The following ADAM28 variants were observed in gnomAD, a reference collection of about 807,000 sequenced individuals.
ADAM28 encodes the protein disintegrin and metalloproteinase domain-containing protein 28.
Under a neutral mutation model 101.2 loss-of-function variants are expected in ADAM28, and 105 were observed. The ratio of observed to expected loss-of-function variants is 1.04; its 90% CI spans 0.89 to 1.22. The LOEUF is 1.22. ADAM28 is among the 50% of genes most tolerant of loss of function. The probability of loss-of-function intolerance (pLI) is 0.00; values close to 1 mark genes in which losing one functional copy is unlikely to be tolerated. For synonymous variants in ADAM28, 322 were observed against 310.6 expected, an observed-to-expected ratio of 1.04 and a Z score of -0.39; for missense variants, 1,028 against 945.4, an observed-to-expected ratio of 1.09 and a Z score of -1.15.
chr8:24,308,982 A>G (rs1221196359), intron 2 of ADAM28, among the ~76,000 whole-genome samples: 2 of 152,182 alleles, frequency 1.3e-5, no homozygotes, highest in African/African-American at 4.8e-5. Flanking sequence ...TTGGTCTACC[A>G]TATTTAGATA....
chr8:24,317,134 G>T (rs537402434), intron 6 of ADAM28, among the ~76,000 whole-genome samples: 11 of 152,074 alleles, frequency 7.2e-5, no homozygotes, highest in African/African-American at 2.6e-4. Flanking sequence ...AAAGCAATGA[G>T]TAGATTCAAT....
In ADAM28 at chr8:24,335,519, C is replaced by T; in HGVS notation, c.1445C>T (p.Ser482Phe). Residue 482 changes from serine to phenylalanine, a missense_variant, in exon 14 of 23, where the codon TCT becomes TTT. Transcript: ENST00000265769. ...CDLPEMCNGK[S>F]GNCPDDRFQV... ...CTGCCTGAAATGTGTAATGGTAAAT[C>T]TGGTAATTGTCCTGATGATAGATTC... is the stretch of plus-strand genomic sequence containing the variant. 1 of 1,614,128 alleles carries T rather than the reference C, an allele frequency of 6.2e-7. No homozygotes were observed. The highest frequency in any genetic ancestry group is 8.5e-7 in the Non-Finnish European group (1 of 1,180,020).
chr8:24,325,534 A>G (rs1356354152), intron 9 of ADAM28, among the ~76,000 whole-genome samples: 1 of 151,978 alleles, frequency 6.6e-6, no homozygotes, highest in Non-Finnish European at 1.5e-5. Context: ...CTGAAACCAC[A>G]AAAATGTAGA....
chr8:24,343,062 A>G (rs969986962), intron 16 of ADAM28, 39 bp from the exon 17 acceptor site: 1 of 1,613,100 alleles, frequency 6.2e-7, no homozygotes, highest in Admixed American at 1.7e-5. Flanking sequence ...ATCTACGTTC[A>G]GAGAAGATGA....
At chr8:24,337,713 C>T (rs938533302) in intron 14 of ADAM28, among the ~76,000 whole-genome samples, 10 of 152,160 alleles carry the variant, frequency 6.6e-5, no homozygotes, top group Non-Finnish European at 1.0e-4. Context: ...CAGAGGATCA[C>T]GTATTTATTT....
At position 24,355,219 on chromosome 8, in the gene ADAM28, T is replaced by C. The variant is rs1482635603; in HGVS notation, c.*815T>C. 1 of 152,394 alleles carries C rather than the reference T, an allele frequency of 6.6e-6. No homozygotes were observed. Among genetic ancestry groups the C allele is most frequent in the Non-Finnish European group, 1.5e-5 (1 of 67,992 alleles). The allele number at this position is 152,394 out of a possible 1,614,324, so 9.4% of individuals were successfully genotyped here. On this transcript the variant is annotated 3_prime_UTR_variant, in exon 23 of 23. Coordinates refer to ENST00000265769, the MANE Select transcript of ADAM28 (RefSeq NM_014265.6). Reference sequence around the variant, plus strand: ...AGATTCCCAGCTTTGTCAGATGTAATCTAAAAGTAATCCGATGCTTTGTCA... The same window carrying C: ...AGATTCCCAGCTTTGTCAGATGTAACCTAAAAGTAATCCGATGCTTTGTCA...
intron 2 of ADAM28, among the ~76,000 whole-genome samples, chr8:24,301,235 T>A (rs2129238098): frequency 6.6e-6 from 1 of 152,314 alleles, no homozygotes; most frequent in Non-Finnish European, 1.5e-5. Flanking sequence ...TTTCCCAAAA[T>A]AATTATCAAC....
intron 1 of ADAM28, among the ~76,000 whole-genome samples, chr8:24,298,103 T>C (rs1407880560): frequency 1.3e-5 from 2 of 152,210 alleles, no homozygotes; most frequent in African/African-American, 4.8e-5. Context: ...TCTGTACTTG[T>C]ATGCATAAAT....
At chr8:24,311,580 G>C (rs1306818437) in intron 5 of ADAM28, 143 bp downstream of exon 5, 1 of 511,028 alleles carries the variant, frequency 2.0e-6, no homozygotes, top group African/African-American at 2.0e-5. Context: ...GAAATTTGAA[G>C]AAACACCGCT....
Position 24,322,861 on chromosome 8 carries a change from C to A in ADAM28, c.721-973C>A, listed in dbSNP as rs148558827. On this transcript the variant is annotated intron_variant, in intron 8 of 22. Coordinates refer to ENST00000265769, the MANE Select transcript of ADAM28 (RefSeq NM_014265.6). ...GCTGGTGAGAATGTCTGTCACTGTG[C>A]ACTTTTAGAAACTATAGTAGTAATT... Among the ~76,000 whole-genome samples the A allele has an allele frequency of 5.8e-3, 875 of 151,998 alleles. 10 individuals are homozygous for A. The highest frequency in any genetic ancestry group is 0.02 in the African/African-American group (838 of 41,490).
At chr8:24,310,113 C>T (rs1461025179) in intron 3 of ADAM28, 50 bp from the exon 4 acceptor site, 3 of 1,591,030 alleles carry the variant, frequency 1.9e-6, no homozygotes, top group South Asian at 2.2e-5. Context: ...TTTCCATGGA[C>T]TTAGCAATCA....
At chr8:24,323,692 A>G (rs111895899) in intron 8 of ADAM28, 142 bp from the exon 9 acceptor site, 1 of 821,786 alleles carries the variant, frequency 1.2e-6, no homozygotes, top group Non-Finnish European at 1.8e-6. Flanking sequence ...AATAGTCAAT[A>G]CATTCTGTTT....
At chr8:24,304,301 G>A (rs1254284912) in intron 2 of ADAM28, among the ~76,000 whole-genome samples, 3 of 150,700 alleles carry the variant, frequency 2.0e-5, no homozygotes, top group African/African-American at 7.3e-5. Context: ...ATTTACTGCA[G>A]TTATATTATT....
chr8:24,298,606 A>C (rs567083603), intron 1 of ADAM28, among the ~76,000 whole-genome samples: 1 of 152,274 alleles, frequency 6.6e-6, no homozygotes, highest in Admixed American at 6.5e-5. Flanking sequence ...GTATCTCACC[A>C]TAGAACTTAA....
intron 4 of ADAM28, 59 bp downstream of exon 4, chr8:24,310,300 T>G (rs1810280661): frequency 6.7e-7 from 1 of 1,500,474 alleles, no homozygotes; most frequent in Non-Finnish European, 9.2e-7. Flanking sequence ...CTAAAGGTAG[T>G]GTCCTTGCCA....
Position 24,351,852 on chromosome 8 carries a change from G to C in ADAM28, c.2179-135G>C, listed in dbSNP as rs1816194948. 3.1e-5 allele frequency: 23 copies of C among 744,592 alleles called. No homozygotes were observed. In the South Asian group the frequency reaches 3.9e-4, roughly 13 times the overall value. The allele number at this position is 744,592 out of a possible 1,614,324, so 46.1% of individuals were successfully genotyped here. A position where few individuals can be genotyped will look rare whatever the true frequency, so the allele number is the denominator to read the frequency against. ...TGGAATACGCCAGCAGGACCACTGTGATTTTCTATCTGGTCTCTTGGTGTC... is the reference window on the plus strand; with the variant it reads ...TGGAATACGCCAGCAGGACCACTGTCATTTTCTATCTGGTCTCTTGGTGTC... On this transcript the variant is annotated intron_variant, in intron 20 of 22. Coordinates refer to ENST00000265769, the MANE Select transcript of ADAM28 (RefSeq NM_014265.6).
chr8:24,310,308 C>T, intron 4 of ADAM28, 67 bp downstream of exon 4: 1 of 1,430,398 alleles, frequency 7.0e-7, no homozygotes, highest in South Asian at 1.2e-5. Flanking sequence ...AGTGTCCTTG[C>T]CAGGCAAATA....
rs1196216410 is a variant in ADAM28, at chr8:24,355,126, CAT to C, written c.*724_*725del. The C allele has an allele frequency of 6.6e-5, 10 of 152,508 alleles. No individual in the cohort carries two copies. In the Admixed American group the frequency reaches 6.6e-4, roughly 10 times the overall value. 9.4% of individuals were successfully genotyped at this position (152,508 alleles called of 1,614,324 possible). A position where few individuals can be genotyped will look rare whatever the true frequency, so the allele number is the denominator to read the frequency against. On this transcript the variant is annotated 3_prime_UTR_variant, in exon 23 of 23. Transcript: ENST00000265769. ...GTCTGAATGATATTGATATTGGACA[CAT>C]AGTACTTTTACATGTTTTGAATGTA...
At chr8:24,324,172 AAGAG>A (rs1812248217) in intron 9 of ADAM28, among the ~76,000 whole-genome samples, 169 bp downstream of exon 9, 1 of 151,856 alleles carries the variant, frequency 6.6e-6, no homozygotes, top group East Asian at 1.9e-4. Context: ...TTTTTAAAAA[AAGAG>A]AGGGTCAATA....
Sources: gnomAD v4.1 joint callset for allele counts (sites outside exome capture counted in the v4.1 genomes callset) on GRCh38, gnomAD v4.1.1 for gene constraint, MANE v1.5 for transcripts, NCBI Gene and HGNC (gene_info 2026-07-23, HGNC 2026-07-21) for gene names.